Variants in CATSPERB observed in about 807,000 individuals in gnomAD.
CATSPERB encodes catsper channel auxiliary subunit beta, also known as cation channel sperm-associated auxiliary subunit beta.
Under a neutral mutation model 128.3 loss-of-function variants are expected in CATSPERB, and 93 were observed. The ratio of observed to expected loss-of-function variants is 0.72; its 90% CI spans 0.61 to 0.86. The LOEUF (loss-of-function observed/expected upper bound fraction) is 0.86, where lower values mean the gene tolerates loss of function less well. Among genes scored for constraint, CATSPERB ranks in the 40% least tolerant of loss-of-function variants. The pLI, the probability that CATSPERB is intolerant of heterozygous loss-of-function variation, is 0.00. For synonymous variants in CATSPERB, 381 were observed against 448.8 expected, an observed-to-expected ratio of 0.85 and a Z score of 1.91; for missense variants, 1,153 against 1,329.5, an observed-to-expected ratio of 0.87 and a Z score of 2.06.
intron 14 of CATSPERB, among the ~76,000 whole-genome samples, chr14:91,663,721 T>C (rs902573192): frequency 6.6e-6 from 1 of 151,938 alleles, no homozygotes; most frequent in Non-Finnish European, 1.5e-5. Context: ...TTCTAGGTCA[T>C]AATACAAGAG....
chr14:91,654,665 G>A (rs1743105), intron 15 of CATSPERB, among the ~76,000 whole-genome samples: 30,928 of 152,172 alleles, frequency 0.2, 3,359 homozygotes, highest in African/African-American at 0.25. Flanking sequence ...CCTAGCTGGG[G>A]CTGGGGGCAA....
At chr14:91,597,656 A>G (rs1438248406) in intron 22 of CATSPERB, among the ~76,000 whole-genome samples, 1 of 152,022 alleles carries the variant, frequency 6.6e-6, no homozygotes, top group Admixed American at 6.5e-5. Context: ...TCATGTGCCC[A>G]CCTCTTCTGC....
chr14:91,719,729 G>A (rs1895998342), intron 4 of CATSPERB, among the ~76,000 whole-genome samples: 1 of 152,108 alleles, frequency 6.6e-6, no homozygotes, highest in African/African-American at 2.4e-5. Context: ...CATCAGTTAT[G>A]TATAATATAG....
intron 22 of CATSPERB, among the ~76,000 whole-genome samples, chr14:91,599,612 G>T (rs573959763): frequency 1.9e-4 from 29 of 151,426 alleles, no homozygotes; most frequent in Non-Finnish European, 3.8e-4. Context: ...TGACACAGCC[G>T]CAGGAAGTCC....
chr14:91,677,829 TACCCATCAATGGTAGACGGGATAAAGAAA>T (rs1476134991), intron 11 of CATSPERB, among the ~76,000 whole-genome samples: 19 of 152,242 alleles, frequency 1.2e-4, no homozygotes, highest in African/African-American at 4.3e-4. Flanking sequence ...CCAACCCAAA[TACCCATCAATGGTAGACGGGATAAAGAAA>T]ATGGGTACAT....
chr14:91,610,176 C>T (rs865959352), intron 21 of CATSPERB, among the ~76,000 whole-genome samples: 1 of 151,996 alleles, frequency 6.6e-6, no homozygotes. Flanking sequence ...ATTGTATCAG[C>T]TTAGGACAAG....
intron 10 of CATSPERB, among the ~76,000 whole-genome samples, chr14:91,684,592 T>A (rs1250471154): frequency 6.6e-6 from 1 of 150,470 alleles, no homozygotes; most frequent in African/African-American, 2.4e-5. Context: ...CTTGAACACA[T>A]GAGGAGACAC....
Position 91,711,987 on chromosome 14 carries a change from A to G in CATSPERB, c.371-3751T>C, listed in dbSNP as rs777706584. Among the ~76,000 whole-genome samples, 54 of 152,236 alleles carry G rather than the reference A, an allele frequency of 3.5e-4. 1 individual carries two copies. Among genetic ancestry groups the G allele is most frequent in the Non-Finnish European group, 6.6e-4 (45 of 68,030 alleles). On this transcript the variant is annotated intron_variant, in intron 5 of 26. Coordinates refer to ENST00000256343, the MANE Select transcript of CATSPERB (RefSeq NM_024764.4). ...CTAAAAAACCATGTATCAAAGAGAA[A>G]GTGCTGTGGGGAATTAGAAAATATT...
intron 14 of CATSPERB, among the ~76,000 whole-genome samples, chr14:91,661,648 T>A (rs1267006804): frequency 6.6e-6 from 1 of 151,648 alleles, no homozygotes; most frequent in African/African-American, 2.4e-5. Flanking sequence ...TCTTTTCACC[T>A]CAGCCTCCCA....
intron 16 of CATSPERB, among the ~76,000 whole-genome samples, chr14:91,638,326 T>A (rs959218798): frequency 6.6e-6 from 1 of 152,020 alleles, no homozygotes; most frequent in African/African-American, 2.4e-5. Flanking sequence ...CCTTTTTTTG[T>A]TGTCACTAGA....
intron 14 of CATSPERB, among the ~76,000 whole-genome samples, chr14:91,669,111 T>TG (rs1895041589): frequency 2.0e-5 from 3 of 152,198 alleles, no homozygotes; most frequent in Non-Finnish European, 4.4e-5. Context: ...ACATTTAGTG[T>TG]GAAAAACTAA....
chr14:91,704,033 A>G (rs1895695334), intron 7 of CATSPERB, among the ~76,000 whole-genome samples: 1 of 152,182 alleles, frequency 6.6e-6, no homozygotes, highest in Admixed American at 6.5e-5. Context: ...GTATTAAATC[A>G]TAGGACACCT....
chr14:91,673,048 G>A (rs746265944), intron 12 of CATSPERB, 32 bp from the exon 13 acceptor site: 2 of 1,528,142 alleles, frequency 1.3e-6, no homozygotes, highest in South Asian at 1.3e-5. Context: ...AATTAATGCT[G>A]TTTTTGAAAT....
At position 91,625,841 on chromosome 14, in the gene CATSPERB, C is replaced by T. The variant is rs117363104; in HGVS notation, c.1743-834G>A. Among the ~76,000 whole-genome samples the T allele has an allele frequency of 4.1e-4, 62 of 152,248 alleles. No homozygotes were observed. The East Asian group carries it at 0.012, about 29-fold the overall frequency. ...CTTACAATCATCACAAAAATTAACT[C>T]TAGGCCGGGTGCAGTGGCTCACACC... On this transcript the variant is annotated intron_variant, in intron 17 of 26. Coordinates refer to ENST00000256343, the MANE Select transcript of CATSPERB (RefSeq NM_024764.4).
chr14:91,627,892 T>G (rs1275542397), intron 17 of CATSPERB, among the ~76,000 whole-genome samples: 1 of 152,096 alleles, frequency 6.6e-6, no homozygotes, highest in Non-Finnish European at 1.5e-5. Context: ...GCAGGAGGAT[T>G]GCTTGAGCCC....
intron 24 of CATSPERB, among the ~76,000 whole-genome samples, chr14:91,588,829 T>C (rs1049635758): frequency 2.0e-5 from 3 of 152,162 alleles, no homozygotes; most frequent in African/African-American, 7.2e-5. Context: ...TAATGCAAAA[T>C]ATTTAGTAGC....
intron 20 of CATSPERB, 45 bp from the exon 21 acceptor site, chr14:91,610,722 T>A: frequency 6.4e-7 from 1 of 1,563,050 alleles, no homozygotes; most frequent in Non-Finnish European, 8.8e-7. Flanking sequence ...GTAACTGTTA[T>A]GGACTGAACT....
intron 17 of CATSPERB, among the ~76,000 whole-genome samples, chr14:91,626,794 C>G (rs1894173476): frequency 6.6e-6 from 1 of 152,158 alleles, no homozygotes; most frequent in South Asian, 2.1e-4. Flanking sequence ...TCTATTATAG[C>G]AGCATGAAAC....
chr14:91,672,528 T>A (rs1260506477), intron 13 of CATSPERB, among the ~76,000 whole-genome samples: 2 of 152,330 alleles, frequency 1.3e-5, no homozygotes, highest in East Asian at 3.9e-4. Context: ...AAAATATAGA[T>A]CTGTGGCAAT....
Sources: allele counts gnomAD v4.1 joint callset (sites outside exome capture counted in the v4.1 genomes callset), GRCh38; gene constraint gnomAD v4.1.1; transcripts MANE v1.5; gene names NCBI Gene and HGNC (gene_info 2026-07-23, HGNC 2026-07-21).